Variants in CLEC16A observed in about 807,000 individuals in gnomAD.
The protein encoded by CLEC16A is protein CLEC16A.
In CLEC16A, 51 loss-of-function variants were observed where a neutral mutation model predicts 109.5. That is an observed-to-expected ratio of 0.47 (90% CI 0.37 to 0.59). CLEC16A has a LOEUF of 0.59. Ranked by LOEUF, CLEC16A falls within the 20% of genes least tolerant of loss-of-function variation. The pLI is 0.00. For missense variants in CLEC16A, 1,339 were observed against 1,394.0 expected (o/e 0.96, Z 0.63); for synonymous variants, 673 against 564.2 (o/e 1.19, Z -2.73).
At chr16:11,066,586 T>C (rs2048771797) in intron 19 of CLEC16A, 1 of 152,172 alleles carries the variant, frequency 6.6e-6, no homozygotes, top group Admixed American at 6.6e-5. Flanking sequence ...TCAGAACTCT[T>C]GTGTTTAGTA....
At chr16:11,137,685 T>C (rs1192777930) in intron 22 of CLEC16A, among the ~76,000 whole-genome samples, 1 of 151,260 alleles carries the variant, frequency 6.6e-6, no homozygotes, top group African/African-American at 2.4e-5. Context: ...GGTGTGTGCC[T>C]GTAGTCCCAG....
chr16:10,993,836 C>T (rs2044173260), intron 10 of CLEC16A, among the ~76,000 whole-genome samples: 1 of 152,194 alleles, frequency 6.6e-6, no homozygotes, highest in African/African-American at 2.4e-5. Context: ...CACAAGCATT[C>T]CCTCTTGATT....
intron 19 of CLEC16A, 110 bp downstream of exon 19, chr16:11,061,132 G>A (rs1356556219): frequency 7.8e-6 from 10 of 1,286,198 alleles, no homozygotes; most frequent in South Asian, 1.7e-5. Flanking sequence ...CCTACATTTT[G>A]TACTATTATT....
chr16:11,101,101 G>A (rs1043306459), intron 19 of CLEC16A, among the ~76,000 whole-genome samples: 1 of 152,138 alleles, frequency 6.6e-6, no homozygotes, highest in African/African-American at 2.4e-5. Flanking sequence ...TTCTTAATAT[G>A]CTTAGTAAAC....
intron 13 of CLEC16A, among the ~76,000 whole-genome samples, chr16:11,038,592 C>T (rs1284172343): frequency 6.6e-6 from 1 of 152,100 alleles, no homozygotes; most frequent in Admixed American, 6.5e-5. Context: ...CTTGCCTGTT[C>T]TTCTTTCCTT....
intron 22 of CLEC16A, among the ~76,000 whole-genome samples, chr16:11,127,497 A>T (rs1362973395): frequency 6.6e-6 from 1 of 152,222 alleles, no homozygotes; most frequent in Admixed American, 6.5e-5. Flanking sequence ...TGATATATGT[A>T]GTCCCAACGT....
At chr16:11,109,036 G>A (rs996289962) in intron 19 of CLEC16A, among the ~76,000 whole-genome samples, 5 of 148,184 alleles carry the variant, frequency 3.4e-5, no homozygotes, top group African/African-American at 1.3e-4. Context: ...GCATGAACCC[G>A]GGAGGCGGAG....
At chr16:11,016,508 C>G (rs2045763256) in intron 11 of CLEC16A, among the ~76,000 whole-genome samples, 1 of 151,962 alleles carries the variant, frequency 6.6e-6, no homozygotes, top group Non-Finnish European at 1.5e-5. Flanking sequence ...GCCACCACAC[C>G]CAGCTAATGT....
intron 10 of CLEC16A, among the ~76,000 whole-genome samples, chr16:10,999,937 A>G (rs1287740165): frequency 6.6e-6 from 1 of 152,152 alleles, no homozygotes; most frequent in African/African-American, 2.4e-5. Flanking sequence ...CCCAGGTTCG[A>G]TCGATTCTCT....
At chr16:11,006,573 A>G (rs1222779679) in intron 11 of CLEC16A, among the ~76,000 whole-genome samples, 1 of 152,154 alleles carries the variant, frequency 6.6e-6, no homozygotes, top group African/African-American at 2.4e-5. Context: ...GCCTCTGCAT[A>G]CCCTGCCAAT....
At chr16:11,068,759 A>T (rs1439779510) in intron 19 of CLEC16A, among the ~76,000 whole-genome samples, 2 of 152,218 alleles carry the variant, frequency 1.3e-5, no homozygotes, top group Admixed American at 1.3e-4. Context: ...CAGGTTCTGC[A>T]TCTGAAGATT....
intron 13 of CLEC16A, among the ~76,000 whole-genome samples, chr16:11,036,654 A>C (rs762710047): frequency 1.9e-4 from 28 of 151,052 alleles, no homozygotes; most frequent in Non-Finnish European, 3.7e-4. Flanking sequence ...GGTTCAAGCA[A>C]TTCTCATTTC....
At chr16:11,074,141 CTCTTT>C (rs1299823337) in intron 19 of CLEC16A, among the ~76,000 whole-genome samples, 1 of 138,872 alleles carries the variant, frequency 7.2e-6, no homozygotes, top group Non-Finnish European at 1.5e-5. Context: ...AAAATGCTTC[CTCTTT>C]TCTTCTCTTT....
chr16:11,092,258 C>A (rs577414464), intron 19 of CLEC16A, among the ~76,000 whole-genome samples: 1 of 152,060 alleles, frequency 6.6e-6, no homozygotes, highest in African/African-American at 2.4e-5. Flanking sequence ...GTGGGAGGAT[C>A]GCTTGAGCCC....
chr16:11,121,879 CAAAAAAAAAAAAAAAA>C (rs536067685), intron 20 of CLEC16A, among the ~76,000 whole-genome samples: 26 of 29,842 alleles, frequency 8.7e-4, no homozygotes, highest in Admixed American at 3.5e-3. Context: ...GACCCTGTCT[CAAAAAAAAAAAAAAAA>C]AAAAAAAAAA....
chr16:11,107,503 G>T (rs1234272013), intron 19 of CLEC16A, among the ~76,000 whole-genome samples: 2 of 152,226 alleles, frequency 1.3e-5, no homozygotes, highest in East Asian at 1.9e-4. Flanking sequence ...TGACTGTCAG[G>T]AGAAGCAGCC....
chr16:11,105,656 C>G (rs1312101561), intron 19 of CLEC16A, among the ~76,000 whole-genome samples: 1 of 152,212 alleles, frequency 6.6e-6, no homozygotes, highest in Non-Finnish European at 1.5e-5. Context: ...GAGCCCAAAG[C>G]TAGCACTTCC....
At chr16:10,953,336 AT>A (rs1332773645) in intron 1 of CLEC16A, among the ~76,000 whole-genome samples, 1 of 152,242 alleles carries the variant, frequency 6.6e-6, no homozygotes, top group East Asian at 1.9e-4. Flanking sequence ...GAAAAACTTA[AT>A]TTTGGCCAGT....
chr16:10,962,148 G>A (rs2042279344), intron 2 of CLEC16A, among the ~76,000 whole-genome samples: 1 of 151,730 alleles, frequency 6.6e-6, no homozygotes, highest in Non-Finnish European at 1.5e-5. Flanking sequence ...TAGGGGTCTT[G>A]TTATTTTGCC....
Sources: allele counts gnomAD v4.1 joint callset (sites outside exome capture counted in the v4.1 genomes callset), GRCh38; gene constraint gnomAD v4.1.1; transcripts MANE v1.5; gene names NCBI Gene and HGNC (gene_info 2026-07-23, HGNC 2026-07-21).